Variants in GRIK4 observed in about 807,000 individuals in gnomAD.
GRIK4 encodes glutamate receptor ionotropic, kainate 4.
Under a neutral mutation model 104.9 loss-of-function variants are expected in GRIK4, and 40 were observed. The ratio of observed to expected loss-of-function variants is 0.38; its 90% CI spans 0.30 to 0.50. The LOEUF (loss-of-function observed/expected upper bound fraction) is 0.50. GRIK4 is among the 20% of genes least tolerant of loss of function. The pLI, the probability that GRIK4 is intolerant of heterozygous loss-of-function variation, is 0.93. For missense variants in GRIK4, 1,047 were observed against 1,308.1 expected, an observed-to-expected ratio of 0.80 and a Z score of 3.08; for synonymous variants, 485 against 524.9, an observed-to-expected ratio of 0.92 and a Z score of 1.04.
At chr11:120,950,262 G>A (rs1044971056) in intron 14 of GRIK4, among the ~76,000 whole-genome samples, 7 of 152,198 alleles carry the variant, frequency 4.6e-5, no homozygotes. Context: ...CAACGTGACT[G>A]ATATGTTTCT....
At chr11:120,614,715 G>A (rs1013618298) in intron 1 of GRIK4, among the ~76,000 whole-genome samples, 1 of 152,180 alleles carries the variant, frequency 6.6e-6, no homozygotes, top group Non-Finnish European at 1.5e-5. Context: ...AAAACTGTAA[G>A]TTGGCTGGGC....
At chr11:120,930,403 G>A (rs118073180) in intron 13 of GRIK4, among the ~76,000 whole-genome samples, 3 of 152,306 alleles carry the variant, frequency 2.0e-5, no homozygotes, top group Non-Finnish European at 4.4e-5. Flanking sequence ...TCAGGCCTAA[G>A]CTTTGTGTGG....
chr11:120,762,430 TA>T (rs1951766850), intron 3 of GRIK4, among the ~76,000 whole-genome samples: 1 of 152,224 alleles, frequency 6.6e-6, no homozygotes, highest in Admixed American at 6.5e-5. Flanking sequence ...GAATACCCTT[TA>T]TTTCTTTCTC....
At chr11:120,542,525 T>C (rs140887436) in intron 1 of GRIK4, among the ~76,000 whole-genome samples, 27 of 152,274 alleles carry the variant, frequency 1.8e-4, no homozygotes, top group Middle Eastern at 3.4e-3. Context: ...GCAACGTATG[T>C]CATGGGAGAA....
rs149840816 is a variant in GRIK4 at position 120,941,970 on chromosome 11, T to C, written c.1590+1510T>C. ...TTTTAGAAATGAGGAAACTAAGTTGTAATCAGTTTAAAAACATGGGCAAGG... is the reference window on the plus strand; with the variant it reads ...TTTTAGAAATGAGGAAACTAAGTTGCAATCAGTTTAAAAACATGGGCAAGG... On this transcript the variant is annotated intron_variant, in intron 14 of 20. Coordinates refer to ENST00000527524, the MANE Select transcript of GRIK4 (RefSeq NM_014619.5). 2.6e-5 allele frequency among the ~76,000 whole-genome samples: 4 copies of C among 152,342 alleles called. No individual in the cohort carries two copies. In the East Asian group the frequency reaches 5.8e-4, roughly 22 times the overall value.
chr11:120,608,895 C>G (rs1368650198), intron 1 of GRIK4, among the ~76,000 whole-genome samples: 2 of 152,160 alleles, frequency 1.3e-5, no homozygotes, highest in Non-Finnish European at 2.9e-5. Flanking sequence ...CCAGCAGGAG[C>G]CTTTTTTTCT....
chr11:120,659,814 G>A (rs1032408148), intron 2 of GRIK4, among the ~76,000 whole-genome samples: 2 of 152,226 alleles, frequency 1.3e-5, no homozygotes, highest in African/African-American at 4.8e-5. Flanking sequence ...TCGGCTCACT[G>A]CAACCTCTGC....
rs572799664 is a variant in GRIK4, at chr11:120,972,875, T to G, written c.2395+5552T>G. Among the ~76,000 whole-genome samples, 3 of 152,030 alleles carry G rather than the reference T, an allele frequency of 2.0e-5. No individual in the cohort carries two copies. In the East Asian group the frequency reaches 5.8e-4, roughly 29 times the overall value. On this transcript the variant is annotated intron_variant, in intron 19 of 20. Transcript: ENST00000527524. ...CCCAGAAATATGTGCCATGCCTTAGTGAAGTGGGGGACGTAAGAGGCGGCA... is the reference window on the plus strand; with the variant it reads ...CCCAGAAATATGTGCCATGCCTTAGGGAAGTGGGGGACGTAAGAGGCGGCA...
intron 3 of GRIK4, among the ~76,000 whole-genome samples, chr11:120,748,359 T>G (rs950484496): frequency 1.3e-5 from 2 of 152,110 alleles, no homozygotes; most frequent in African/African-American, 4.8e-5. Flanking sequence ...TTTTCCTCAC[T>G]TTTATTTATC....
rs67043041 is a variant in GRIK4, at chr11:120,519,891, TG to T, written c.-159+8005del. ...TTTTTTTTTTTTTTGTTTTTTTTTT[TG>T]TTGTTGTTGTTTTTTTTTGAGACGG... On this transcript the variant is annotated intron_variant, in intron 1 of 20. Coordinates refer to ENST00000527524, the MANE Select transcript of GRIK4 (RefSeq NM_014619.5). Among the ~76,000 whole-genome samples, 673 of 133,822 alleles carry T rather than the reference TG, an allele frequency of 5.0e-3. 7 individuals carry two copies. Among genetic ancestry groups the T allele is most frequent in the South Asian group, 0.017 (67 of 3,860 alleles). 87.8% of individuals were successfully genotyped at this position (133,822 alleles called of 152,430 possible). A position where few individuals can be genotyped will look rare whatever the true frequency, so the allele number is the denominator to read the frequency against.
intron 8 of GRIK4, among the ~76,000 whole-genome samples, chr11:120,856,331 G>T (rs1342935196): frequency 6.6e-6 from 1 of 152,170 alleles, no homozygotes; most frequent in Admixed American, 6.5e-5. Flanking sequence ...GCACAATGTG[G>T]CACCAAGGGG....
Position 120,515,309 on chromosome 11 carries a change from C to T in GRIK4, c.-159+3422C>T, listed in dbSNP as rs534399696. Among the ~76,000 whole-genome samples the T allele has an allele frequency of 7.4e-4, 112 of 152,330 alleles. 6 individuals carry two copies. In the South Asian group the frequency reaches 0.022, roughly 30 times the overall value. ...CCTCACATCACTCCCTGCATGACCT[C>T]GGACAAGTTGCCTCACCTCTCTGAG... On this transcript the variant is annotated intron_variant, in intron 1 of 20. Transcript: ENST00000527524.
intron 19 of GRIK4, among the ~76,000 whole-genome samples, chr11:120,971,927 C>A (rs904510575): frequency 6.6e-6 from 1 of 152,184 alleles, no homozygotes. Context: ...ATCTGTCTCA[C>A]GCTTTTTCAC....
chr11:120,898,527 C>T lies in GRIK4; in HGVS notation c.1165-5C>T. On this transcript the variant is annotated splice_polypyrimidine_tract_variant and splice_region_variant and intron_variant, in intron 11 of 20. Transcript: ENST00000527524. ...CTTCCCAGTCCTCTCCGTTGGTCTC[C>T]TCAGATCGGCCAGTGGCACGTGGCA... is the stretch of plus-strand genomic sequence containing the variant. 12 of 1,562,662 alleles carry T rather than the reference C, an allele frequency of 7.7e-6. No individual in the cohort carries two copies. The highest frequency in any genetic ancestry group is 1.1e-5 in the Non-Finnish European group (12 of 1,133,044).
chr11:120,734,248 T>C (rs926025937), intron 3 of GRIK4, among the ~76,000 whole-genome samples: 5 of 152,178 alleles, frequency 3.3e-5, no homozygotes, highest in Non-Finnish European at 5.9e-5. Flanking sequence ...ATCTCTCAGC[T>C]TTTGTTTGTC....
rs1034452646 is a variant in GRIK4, at chr11:120,728,060, A to G, written c.82+67660A>G. 5.3e-5 allele frequency among the ~76,000 whole-genome samples: 8 copies of G among 152,284 alleles called. No individual in the cohort carries two copies. The East Asian group carries it at 1.3e-3, about 26-fold the overall frequency. On this transcript the variant is annotated intron_variant, in intron 3 of 20. Coordinates refer to ENST00000527524, the MANE Select transcript of GRIK4 (RefSeq NM_014619.5). ...TAAACATATATAAATTTAAACTTGT[A>G]TATTGAAAGAGCACACTGTGCACCT...
chr11:120,623,884 T>G (rs1454953669), intron 1 of GRIK4, among the ~76,000 whole-genome samples: 1 of 152,158 alleles, frequency 6.6e-6, no homozygotes, highest in Admixed American at 6.5e-5. Context: ...GAGCTCCTGC[T>G]GCCCTCCGTG....
At chr11:120,772,308 G>A (rs974215601) in intron 3 of GRIK4, among the ~76,000 whole-genome samples, 9 of 152,164 alleles carry the variant, frequency 5.9e-5, no homozygotes, top group South Asian at 2.1e-4. Context: ...TTCCAGAGGC[G>A]GGGAAGTCCA....
At chr11:120,773,985 A>C (rs1303580297) in intron 3 of GRIK4, among the ~76,000 whole-genome samples, 1 of 152,222 alleles carries the variant, frequency 6.6e-6, no homozygotes, top group Non-Finnish European at 1.5e-5. Flanking sequence ...CCCCACTGAC[A>C]ATGAGCTCGC....
Sources: gnomAD v4.1 joint callset for allele counts (sites outside exome capture counted in the v4.1 genomes callset) on GRCh38, gnomAD v4.1.1 for gene constraint, MANE v1.5 for transcripts, NCBI Gene and HGNC (gene_info 2026-07-23, HGNC 2026-07-21) for gene names.